The following RREB1 variants were observed in gnomAD, a reference collection of about 807,000 sequenced individuals.
The protein encoded by RREB1 is ras-responsive element-binding protein 1.
RREB1 carries 27 observed loss-of-function variants against 117.8 expected under a neutral mutation model. The ratio of observed to expected loss-of-function variants is 0.23; its 90% CI spans 0.17 to 0.32. The LOEUF (loss-of-function observed/expected upper bound fraction) is 0.32. Ranked by LOEUF, RREB1 falls within the 10% of genes least tolerant of loss-of-function variation. RREB1 has a pLI of 1.00. For missense variants in RREB1, 2,577 were observed against 2,378.2 expected (o/e 1.08, Z -1.74); for synonymous variants, 1,298 against 1,026.7 (o/e 1.26, Z -5.05).
intron 1 of RREB1, among the ~76,000 whole-genome samples, chr6:7,115,386 G>A (rs1761350883): frequency 2.1e-5 from 3 of 142,244 alleles, no homozygotes; most frequent in South Asian, 4.6e-4. Context: ...ACAGACAGGA[G>A]GTAAGGAAAC....
intron 2 of RREB1, among the ~76,000 whole-genome samples, chr6:7,177,674 C>G (rs1561763259): frequency 6.6e-6 from 1 of 152,076 alleles, no homozygotes; most frequent in Non-Finnish European, 1.5e-5. Flanking sequence ...TCTGGGACTA[C>G]AGACACATGC....
Position 7,248,725 on chromosome 6 carries a change from T to A in RREB1, c.4986T>A (p.Asn1662Lys), listed in dbSNP as rs574936730. The change falls in exon 13 of 13, where the codon AAT becomes AAA. Residue 1662 changes from asparagine (N) to lysine (K), a missense_variant. Physicochemically the swap from Asn to Lys is moderately conservative, Grantham distance 94. Coordinates refer to ENST00000379938, the MANE Select transcript of RREB1 (RefSeq NM_001003699.4). ...AGAACGAGGCTGAGCTGGCTCCCAA[T>A]GCCAGCAACCACATGGCTGTCACCC... is the stretch of plus-strand genomic sequence containing the variant. ...VSENEAELAP[N>K]ASNHMAVTRS... 8 of 1,614,144 alleles carry A rather than the reference T, an allele frequency of 5.0e-6. No individual in the cohort carries two copies. In the South Asian group the frequency reaches 8.8e-5, roughly 18 times the overall value.
intron 1 of RREB1, among the ~76,000 whole-genome samples, chr6:7,169,777 C>T (rs1398577641): frequency 6.6e-6 from 1 of 152,168 alleles, no homozygotes; most frequent in Non-Finnish European, 1.5e-5. Context: ...AGCACAGAGC[C>T]TTGCAGAGAG....
chr6:7,248,547 C>T lies in RREB1; in HGVS notation c.4808C>T (p.Thr1603Ile), dbSNP rs1469851927. 1 of 1,614,268 alleles carries T rather than the reference C, an allele frequency of 6.2e-7. No individual in the cohort carries two copies. Among genetic ancestry groups the T allele is most frequent in the Non-Finnish European group, 8.5e-7 (1 of 1,180,048 alleles). The change falls in exon 13 of 13, where the codon ACC becomes ATC. Residue 1603 changes from threonine (T) to isoleucine (I), a missense_variant. Coordinates refer to ENST00000379938, the MANE Select transcript of RREB1 (RefSeq NM_001003699.4). ...RPYKCQTCER[T>I]FTLKHSLVRH... The stretch of plus-strand genomic sequence containing the variant: ...TACAAATGTCAGACCTGCGAGCGAA[C>T]CTTCACCTTGAAGCACAGCCTGGTT...
chr6:7,196,018 C>A (rs1765647815), intron 6 of RREB1, among the ~76,000 whole-genome samples: 1 of 152,192 alleles, frequency 6.6e-6, no homozygotes, highest in African/African-American at 2.4e-5. Context: ...TCCTCAACAG[C>A]ACAGTTGACA....
At chr6:7,228,205 C>A (rs994178452) in intron 9 of RREB1, among the ~76,000 whole-genome samples, 6 of 152,022 alleles carry the variant, frequency 3.9e-5, no homozygotes, top group Non-Finnish European at 7.4e-5. Flanking sequence ...TGTGTGTGCA[C>A]CCCCCAGGAG....
Position 7,230,098 on chromosome 6 carries a change from G to T in RREB1, c.1999G>T (p.Gly667Cys). 6.2e-7 allele frequency: 1 copy of T among 1,602,122 alleles called. No homozygotes were observed. Reference protein sequence around the residue: ...VLRAHVRSHLGISPYQCNICD... With the variant: ...VLRAHVRSHLCISPYQCNICD... Reference sequence around the variant, plus strand: ...GCGTGCCCACGTGCGCTCCCACCTGGGCATCTCGCCATACCAGTGCAACAT... The same window carrying T: ...GCGTGCCCACGTGCGCTCCCACCTGTGCATCTCGCCATACCAGTGCAACAT... The change falls in exon 10 of 13, where the codon GGC becomes TGC. Residue 667 changes from glycine (G) to cysteine (C), a missense_variant. By Grantham distance (159) the Gly-to-Cys change is radical. Transcript: ENST00000379938.
chr6:7,107,876 C>G (rs370591457), upstream of RREB1: 1 of 153,030 alleles, frequency 6.5e-6, no homozygotes, highest in African/African-American at 2.4e-5. Flanking sequence ...CAGCTCCTCG[C>G]CCACCTCCCT....
chr6:7,160,070 A>G (rs1316300684), intron 1 of RREB1, among the ~76,000 whole-genome samples: 1 of 146,816 alleles, frequency 6.8e-6, no homozygotes, highest in Non-Finnish European at 1.5e-5. Context: ...AAATTGGGGG[A>G]GGGAGGGCAG....
In RREB1 at chr6:7,164,424, C is replaced by T. The variant is rs562117193; in HGVS notation, c.-284-12231C>T. On this transcript the variant is annotated intron_variant, in intron 1 of 12. Coordinates refer to ENST00000379938, the MANE Select transcript of RREB1 (RefSeq NM_001003699.4). ...ATCTTTTGTATCCCAGAAAGGAACT[C>T]CAGGGGGACTGTGGTAAATGTCTGA... Among the ~76,000 whole-genome samples the T allele has an allele frequency of 1.3e-4, 20 of 152,292 alleles. No homozygotes were observed. In the East Asian group the frequency reaches 1.7e-3, roughly 13 times the overall value.
At chr6:7,110,625 T>A (rs772257600) in intron 1 of RREB1, among the ~76,000 whole-genome samples, 27 of 152,306 alleles carry the variant, frequency 1.8e-4, no homozygotes, top group Non-Finnish European at 3.4e-4. Context: ...AAGTTTTAAA[T>A]GTGTTAAAAA....
At chr6:7,118,548 A>G (rs933174687) in intron 1 of RREB1, among the ~76,000 whole-genome samples, 1 of 152,216 alleles carries the variant, frequency 6.6e-6, no homozygotes, top group African/African-American at 2.4e-5. Flanking sequence ...TTAAATCTGT[A>G]TGTATTTGGC....
chr6:7,236,437 G>A (rs936655080), intron 10 of RREB1, among the ~76,000 whole-genome samples: 1 of 152,160 alleles, frequency 6.6e-6, no homozygotes, highest in Non-Finnish European at 1.5e-5. Flanking sequence ...ATCCAAACCT[G>A]GGTGTGGAAA....
At chr6:7,202,924 G>A (rs140672440) in intron 6 of RREB1, among the ~76,000 whole-genome samples, 2 of 152,298 alleles carry the variant, frequency 1.3e-5, no homozygotes, top group East Asian at 3.9e-4. Context: ...TTTTAAGAAT[G>A]TCTGACTTTG....
chr6:7,199,245 G>GAAAA (rs1765814043), intron 6 of RREB1, among the ~76,000 whole-genome samples: 7 of 152,166 alleles, frequency 4.6e-5, no homozygotes, highest in Admixed American at 2.6e-4. Flanking sequence ...CATCTTTAGT[G>GAAAA]GGGGTAACGT....
At chr6:7,226,335 A>T (rs945480125) in intron 8 of RREB1, 132 bp from the exon 9 acceptor site, 1 of 652,284 alleles carries the variant, frequency 1.5e-6, no homozygotes, top group African/African-American at 1.9e-5. Flanking sequence ...TCTTGACATC[A>T]TATCATTTTT....
At chr6:7,156,526 C>T (rs55986493) in intron 1 of RREB1, among the ~76,000 whole-genome samples, 6,362 of 152,278 alleles carry the variant, frequency 0.042, 189 homozygotes, top group Non-Finnish European at 0.065. Context: ...CGCACTGAGC[C>T]ACATCTGGGT....
At chr6:7,166,951 T>C (rs1283023794) in intron 1 of RREB1, among the ~76,000 whole-genome samples, 4 of 152,192 alleles carry the variant, frequency 2.6e-5, no homozygotes. Context: ...AACTTTACCC[T>C]AGCTTCTTAC....
chr6:7,135,176 C>G (rs1762301543), intron 1 of RREB1, among the ~76,000 whole-genome samples: 1 of 152,202 alleles, frequency 6.6e-6, no homozygotes, highest in Non-Finnish European at 1.5e-5. Context: ...AGATATACTT[C>G]ACACCTTGGT....
Sources: gnomAD v4.1 joint callset for allele counts (sites outside exome capture counted in the v4.1 genomes callset) on GRCh38, gnomAD v4.1.1 for gene constraint, MANE v1.5 for transcripts, NCBI Gene and HGNC (gene_info 2026-07-23, HGNC 2026-07-21) for gene names.